Variants in TSHZ2 observed in about 807,000 individuals in gnomAD.
TSHZ2 encodes the protein teashirt zinc finger homeobox 2.
TSHZ2 carries 21 observed loss-of-function variants against 74.4 expected under a neutral mutation model. That is an observed-to-expected ratio of 0.28 (90% CI 0.20 to 0.41). TSHZ2 has a LOEUF of 0.41. Among genes scored for constraint, TSHZ2 ranks in the 10% least tolerant of loss-of-function variants. The pLI is 1.00. For missense variants in TSHZ2, 1,244 were observed against 1,293.5 expected (o/e 0.96, Z 0.59); for synonymous variants, 540 against 515.3 (o/e 1.05, Z -0.65).
At chr20:53,439,372 T>C (rs1984225611) in intron 2 of TSHZ2, among the ~76,000 whole-genome samples, 1 of 152,190 alleles carries the variant, frequency 6.6e-6, no homozygotes, top group South Asian at 2.1e-4. Flanking sequence ...TTTAACCTAA[T>C]AAGAGAGAAT....
chr20:53,202,938 C>T (rs1989043840), intron 1 of TSHZ2, among the ~76,000 whole-genome samples: 1 of 152,136 alleles, frequency 6.6e-6, no homozygotes, highest in Non-Finnish European at 1.5e-5. Flanking sequence ...GCCTTTCTCT[C>T]TTGGCTACCA....
chr20:53,408,462 A>G (rs1338906283), intron 2 of TSHZ2, among the ~76,000 whole-genome samples: 1 of 152,202 alleles, frequency 6.6e-6, no homozygotes, highest in East Asian at 1.9e-4. Flanking sequence ...CATTTCTCAA[A>G]ACCTAGTAGG....
At chr20:53,151,740 G>A (rs1444506177) in intron 1 of TSHZ2, among the ~76,000 whole-genome samples, 1 of 152,082 alleles carries the variant, frequency 6.6e-6, no homozygotes, top group Admixed American at 6.5e-5. Flanking sequence ...TAGGGTAAAT[G>A]TTACTATCAC....
chr20:53,185,299 C>A, intron 1 of TSHZ2: 7 of 1,037,568 alleles, frequency 6.7e-6, no homozygotes, highest in Non-Finnish European at 8.1e-6. Context: ...TTTTCTAGAA[C>A]ACACCCGACA....
At chr20:52,997,573 AAAG>A (rs1279137491) in intron 1 of TSHZ2, among the ~76,000 whole-genome samples, 2 of 133,738 alleles carry the variant, frequency 1.5e-5, no homozygotes, top group Non-Finnish European at 3.6e-5. Flanking sequence ...TAACCTGATA[AAAG>A]AAAAAAAAAA....
chr20:53,285,556 A>C (rs1310316256), intron 2 of TSHZ2, among the ~76,000 whole-genome samples: 1 of 152,058 alleles, frequency 6.6e-6, no homozygotes, highest in East Asian at 1.9e-4. Flanking sequence ...CTAAAAAGAC[A>C]GAAATTAGCT....
chr20:53,176,969 G>A (rs1422190016), intron 1 of TSHZ2, among the ~76,000 whole-genome samples: 1 of 152,092 alleles, frequency 6.6e-6, no homozygotes, highest in Non-Finnish European at 1.5e-5. Context: ...ACAGGCACGA[G>A]CCATCGCACC....
chr20:53,474,875 A>T (rs1600669046), intron 2 of TSHZ2, among the ~76,000 whole-genome samples: 1 of 144,694 alleles, frequency 6.9e-6, no homozygotes. Flanking sequence ...CAGATAAAAC[A>T]GACTTTAAAC....
rs114003045 is a variant in TSHZ2, at chr20:53,438,258, C to T, written c.*9-48886C>T. On this transcript the variant is annotated intron_variant, in intron 2 of 2. Coordinates refer to ENST00000371497, the MANE Select transcript of TSHZ2 (RefSeq NM_173485.6). ...CCAAGTAGCTGGGACTACAGATGCC[C>T]GCCACGACACCCCGCTAATTTTTTG... is the stretch of plus-strand genomic sequence containing the variant. 7.7e-3 allele frequency among the ~76,000 whole-genome samples: 1,173 copies of T among 151,924 alleles called. 4 individuals carry two copies. The highest frequency in any genetic ancestry group is 0.037 in the South Asian group (179 of 4,790).
chr20:53,065,900 T>C (rs1984968337), intron 1 of TSHZ2, among the ~76,000 whole-genome samples: 1 of 152,204 alleles, frequency 6.6e-6, no homozygotes, highest in Admixed American at 6.5e-5. Context: ...TTCCTGAGAT[T>C]GTGCCTAAGT....
chr20:53,188,176 C>G (rs1988645082), intron 1 of TSHZ2, among the ~76,000 whole-genome samples: 1 of 152,190 alleles, frequency 6.6e-6, no homozygotes, highest in Admixed American at 6.5e-5. Flanking sequence ...TGCGACTTTG[C>G]ATGGCGGCAA....
intron 1 of TSHZ2, among the ~76,000 whole-genome samples, chr20:53,024,706 C>A (rs1398466853): frequency 6.6e-6 from 1 of 152,074 alleles, no homozygotes; most frequent in African/African-American, 2.4e-5. Flanking sequence ...TCCATGTGTT[C>A]TCATTGTTCA....
intron 1 of TSHZ2, among the ~76,000 whole-genome samples, chr20:53,149,285 C>T (rs959124720): frequency 6.6e-6 from 1 of 151,484 alleles, no homozygotes; most frequent in Non-Finnish European, 1.5e-5. Context: ...TGTCATTTGT[C>T]ACTGGGGCTT....
At chr20:53,374,685 T>G (rs1039179797) in intron 2 of TSHZ2, among the ~76,000 whole-genome samples, 6 of 152,218 alleles carry the variant, frequency 3.9e-5, no homozygotes, top group African/African-American at 1.4e-4. Flanking sequence ...TAAGAGCCAT[T>G]TGCACTGGTG....
chr20:53,249,824 C>A (rs1427703420), intron 1 of TSHZ2, among the ~76,000 whole-genome samples: 2 of 152,116 alleles, frequency 1.3e-5, no homozygotes, highest in East Asian at 3.8e-4. Flanking sequence ...GCAAGTGCAA[C>A]AGAAAGACAC....
intron 2 of TSHZ2, among the ~76,000 whole-genome samples, chr20:53,261,315 G>T (rs1990596282): frequency 6.6e-6 from 1 of 152,192 alleles, no homozygotes; most frequent in Admixed American, 6.5e-5. Context: ...GGGTGAAGCA[G>T]AACATCCTTG....
Position 53,254,914 on chromosome 20 carries a change from G to T in TSHZ2, c.1456G>T (p.Asp486Tyr). 1 of 1,613,882 alleles carries T rather than the reference G, an allele frequency of 6.2e-7. No individual in the cohort carries two copies. The highest frequency in any genetic ancestry group is 8.5e-7 in the Non-Finnish European group (1 of 1,179,970). Residue 486 changes from aspartate to tyrosine, a missense_variant, in exon 2 of 3, where the codon GAT becomes TAT. Coordinates refer to ENST00000371497, the MANE Select transcript of TSHZ2 (RefSeq NM_173485.6). ...EKVVKSEDYE[D>Y]PLQKPLDPTI... ...AGTCGTGAAAAGCGAGGACTATGAA[G>T]ATCCTCTACAAAAACCTTTAGACCC...
chr20:53,485,122 G>A (rs1457428629), intron 2 of TSHZ2, among the ~76,000 whole-genome samples: 3 of 152,132 alleles, frequency 2.0e-5, no homozygotes, highest in East Asian at 1.9e-4. Flanking sequence ...CTTCTCTACC[G>A]AAAACGTTCC....
chr20:53,134,843 C>G (rs1987200698), intron 1 of TSHZ2, among the ~76,000 whole-genome samples: 1 of 151,966 alleles, frequency 6.6e-6, no homozygotes, highest in Middle Eastern at 3.2e-3. Context: ...CTCTGCTATC[C>G]CACCCCATCC....
Sources: allele counts gnomAD v4.1 joint callset (sites outside exome capture counted in the v4.1 genomes callset), GRCh38; gene constraint gnomAD v4.1.1; transcripts MANE v1.5; gene names NCBI Gene and HGNC (gene_info 2026-07-23, HGNC 2026-07-21).